The following BRINP3 variants were observed in gnomAD, a reference collection of about 807,000 sequenced individuals.
BRINP3 encodes the protein BMP/retinoic acid inducible neural specific 3.
Under a neutral mutation model 71.0 loss-of-function variants are expected in BRINP3, and 19 were observed. The observed-to-expected ratio is 0.27, with a 90% CI of 0.19 to 0.39. BRINP3 has a LOEUF of 0.39. Ranked by LOEUF, BRINP3 falls within the 10% of genes least tolerant of loss-of-function variation. The pLI, the probability that BRINP3 is intolerant of heterozygous loss-of-function variation, is 1.00. For missense variants in BRINP3, 959 were observed against 940.8 expected, an observed-to-expected ratio of 1.02 and a Z score of -0.25; for synonymous variants, 380 against 337.7, an observed-to-expected ratio of 1.13 and a Z score of -1.37.
At position 190,127,041 on chromosome 1, in the gene BRINP3, C is replaced by G. The variant is rs187582289; in HGVS notation, c.1185-27907G>C. ...AGTATTTATTTATTTCTTAAGTGAA[C>G]GAATCATAGTTACTGTGTCTCACCA... On this transcript the variant is annotated intron_variant, in intron 7 of 7. Transcript: ENST00000367462. 4.6e-5 allele frequency among the ~76,000 whole-genome samples: 7 copies of G among 151,718 alleles called. No individual in the cohort carries two copies. The East Asian group carries it at 1.2e-3, about 25-fold the overall frequency.
chr1:190,427,843 T>C (rs543006930), intron 2 of BRINP3, among the ~76,000 whole-genome samples: 13 of 151,824 alleles, frequency 8.6e-5, no homozygotes, highest in African/African-American at 2.9e-4. Context: ...AGCCAGGTAT[T>C]AAGCCTAGTA....
At chr1:190,422,711 G>A (rs1034452160) in intron 2 of BRINP3, among the ~76,000 whole-genome samples, 11 of 151,802 alleles carry the variant, frequency 7.2e-5, no homozygotes, top group South Asian at 2.1e-4. Context: ...TTTTTGAAGC[G>A]TGAGACTAGG....
intron 6 of BRINP3, among the ~76,000 whole-genome samples, chr1:190,208,210 G>A (rs1252403264): frequency 6.6e-6 from 1 of 151,634 alleles, no homozygotes; most frequent in African/African-American, 2.4e-5. Context: ...CACCCAACAC[G>A]GCTGCCCAAA....
intron 4 of BRINP3, among the ~76,000 whole-genome samples, chr1:190,249,816 A>G (rs1659967143): frequency 6.6e-6 from 1 of 151,906 alleles, no homozygotes; most frequent in Non-Finnish European, 1.5e-5. Flanking sequence ...GACTAATGAT[A>G]TATATTATAT....
intron 2 of BRINP3, among the ~76,000 whole-genome samples, chr1:190,451,982 T>A (rs1186301918): frequency 6.6e-6 from 1 of 152,214 alleles, no homozygotes; most frequent in Non-Finnish European, 1.5e-5. Context: ...AATGCAATAT[T>A]CCCCTAGAAT....
intron 7 of BRINP3, among the ~76,000 whole-genome samples, chr1:190,155,553 T>C (rs969812212): frequency 6.6e-6 from 1 of 152,114 alleles, no homozygotes; most frequent in African/African-American, 2.4e-5. Context: ...CACAACATAG[T>C]ATAGCTCAGT....
chr1:190,303,045 T>G (rs757870902), intron 2 of BRINP3, among the ~76,000 whole-genome samples: 3 of 151,776 alleles, frequency 2.0e-5, no homozygotes, highest in Non-Finnish European at 4.4e-5. Flanking sequence ...TGGGGGATGC[T>G]AAGGCCTTAT....
chr1:190,111,769 G>C (rs1200828210), intron 7 of BRINP3, among the ~76,000 whole-genome samples: 3 of 152,112 alleles, frequency 2.0e-5, no homozygotes, highest in Non-Finnish European at 4.4e-5. Flanking sequence ...GGAAAGGAGG[G>C]TGAATCATAA....
At chr1:190,262,207 A>G (rs576711746) in intron 4 of BRINP3, among the ~76,000 whole-genome samples, 1 of 152,258 alleles carries the variant, frequency 6.6e-6, no homozygotes, top group South Asian at 2.1e-4. Context: ...CACAAGCACA[A>G]TGCCCTTCCC....
chr1:190,281,096 T>C (rs1180589617), intron 3 of BRINP3, among the ~76,000 whole-genome samples: 7 of 151,988 alleles, frequency 4.6e-5, no homozygotes, highest in Non-Finnish European at 1.5e-5. Context: ...CATAATTATT[T>C]GTTTATCACT....
intron 2 of BRINP3, among the ~76,000 whole-genome samples, chr1:190,427,146 T>C (rs527493003): frequency 6.6e-6 from 1 of 152,096 alleles, no homozygotes; most frequent in African/African-American, 2.4e-5. Context: ...TATATTTATC[T>C]AATTTCTATG....
intron 7 of BRINP3, among the ~76,000 whole-genome samples, chr1:190,103,752 G>A (rs1476290419): frequency 1.3e-5 from 2 of 151,908 alleles, no homozygotes; most frequent in Admixed American, 6.6e-5. Context: ...TTGGGGCTCC[G>A]TGGCAACTAT....
intron 2 of BRINP3, among the ~76,000 whole-genome samples, chr1:190,421,937 T>A (rs80138477): frequency 2.0e-3 from 302 of 151,972 alleles, no homozygotes; most frequent in African/African-American, 7.1e-3. Context: ...TAGAGACCAC[T>A]TTACTCCTTA....
chr1:190,166,068 A>T (rs1651506648), intron 6 of BRINP3, among the ~76,000 whole-genome samples: 1 of 152,144 alleles, frequency 6.6e-6, no homozygotes, highest in African/African-American at 2.4e-5. Context: ...ACAGTAAATC[A>T]CTGATATGAC....
At chr1:190,353,995 CA>C (rs1326427378) in intron 2 of BRINP3, among the ~76,000 whole-genome samples, 1 of 151,884 alleles carries the variant, frequency 6.6e-6, no homozygotes, top group Non-Finnish European at 1.5e-5. Context: ...TTACTGCTGT[CA>C]CAACAAAGTC....
chr1:190,458,115 T>G (rs921758096), intron 1 of BRINP3, among the ~76,000 whole-genome samples: 1 of 152,066 alleles, frequency 6.6e-6, no homozygotes, highest in Non-Finnish European at 1.5e-5. Flanking sequence ...GAGGTAATTA[T>G]CACATAATTC....
At chr1:190,363,433 T>C (rs1296620476) in intron 2 of BRINP3, among the ~76,000 whole-genome samples, 2 of 152,136 alleles carry the variant, frequency 1.3e-5, no homozygotes, top group Non-Finnish European at 2.9e-5. Context: ...CAATAGAAAC[T>C]GAATACATTA....
At chr1:190,457,111 A>C (rs1467872981) in intron 1 of BRINP3, among the ~76,000 whole-genome samples, 1 of 152,068 alleles carries the variant, frequency 6.6e-6, no homozygotes, top group African/African-American at 2.4e-5. Context: ...CATAGTGGTT[A>C]AAAAAATGGA....
At chr1:190,315,000 C>T (rs1320129773) in intron 2 of BRINP3, among the ~76,000 whole-genome samples, 1 of 152,000 alleles carries the variant, frequency 6.6e-6, no homozygotes, top group African/African-American at 2.4e-5. Context: ...AGATAAGTGA[C>T]ATAAGGTATG....
Sources: allele counts gnomAD v4.1 joint callset (sites outside exome capture counted in the v4.1 genomes callset), GRCh38; gene constraint gnomAD v4.1.1; transcripts MANE v1.5; gene names NCBI Gene and HGNC (gene_info 2026-07-23, HGNC 2026-07-21).